RIOK1: variants seen among roughly 807,000 people sequenced by gnomAD.
RIOK1 encodes serine/threonine-protein kinase RIO1.
RIOK1 carries 66 observed loss-of-function variants against 73.5 expected under a neutral mutation model. The ratio of observed to expected loss-of-function variants is 0.90; its 90% CI spans 0.74 to 1.10. The LOEUF is 1.10. Ranked by LOEUF, RIOK1 falls within the 50% of genes least tolerant of loss-of-function variation. The probability of loss-of-function intolerance (pLI) is 0.00; values close to 1 mark genes in which losing one functional copy is unlikely to be tolerated. For synonymous variants in RIOK1, 224 were observed against 226.8 expected (o/e 0.99, Z 0.11); for missense variants, 658 against 699.8 (o/e 0.94, Z 0.67).
At chr6:7,414,692 C>T (rs2113532336) in intron 16 of RIOK1, among the ~76,000 whole-genome samples, 1 of 152,252 alleles carries the variant, frequency 6.6e-6, no homozygotes, top group Non-Finnish European at 1.5e-5. Flanking sequence ...AGAGCCATTT[C>T]AGGGGGATTT....
intron 15 of RIOK1, 142 bp downstream of exon 15, chr6:7,413,084 CAA>C (rs1034256953): frequency 4.3e-6 from 2 of 465,388 alleles, no homozygotes; most frequent in Admixed American, 4.3e-5. Flanking sequence ...TAATTGCTTT[CAA>C]AGTCTGTGGA....
At position 7,405,349 on chromosome 6, in the gene RIOK1, C is replaced by G. The variant is rs1252167761; in HGVS notation, c.1197C>G (p.Leu399=). 6.3e-7 allele frequency: 1 copy of G among 1,584,892 alleles called. No homozygotes were observed. Among genetic ancestry groups the G allele is most frequent in the Non-Finnish European group, 8.7e-7 (1 of 1,153,942 alleles). Residue 399 remains leucine (L), a synonymous_variant, in exon 12 of 17, where the codon CTC becomes CTG. Coordinates refer to ENST00000379834, the MANE Select transcript of RIOK1 (RefSeq NM_031480.3). ...SITHENMDAY[L]SKAMEIASQR... ...CACATGAGAACATGGATGCTTATCTCTCAAAGGTAAGATGGGGAGAGGAAG... is the reference window on the plus strand; with the variant it reads ...CACATGAGAACATGGATGCTTATCTGTCAAAGGTAAGATGGGGAGAGGAAG...
intron 14 of RIOK1, 23 bp from the exon 15 acceptor site, chr6:7,412,866 T>C: frequency 7.3e-7 from 1 of 1,375,908 alleles, no homozygotes; most frequent in Non-Finnish European, 1.0e-6. Context: ...TCCTTATTTT[T>C]TTTTTTTCAT....
At position 7,392,243 on chromosome 6, in the gene RIOK1, CA is replaced by C. The variant is rs35570327; in HGVS notation, c.72-837del. 5.0e-3 allele frequency among the ~76,000 whole-genome samples: 555 copies of C among 110,728 alleles called. 4 individuals carry two copies. Among genetic ancestry groups the C allele is most frequent in the Middle Eastern group, 0.016 (3 of 192 alleles). The allele number at this position is 110,728 out of a possible 152,430, so 72.6% of individuals were successfully genotyped here. On this transcript the variant is annotated intron_variant, in intron 1 of 16. Coordinates refer to ENST00000379834, the MANE Select transcript of RIOK1 (RefSeq NM_031480.3). ...ACACTAGGCCTGAATTCTAATATGG[CA>C]AAAAAAAAAAAAAAAAAAGCCCTTA...
At chr6:7,413,530 T>C (rs972627714) in intron 15 of RIOK1, among the ~76,000 whole-genome samples, 1 of 152,254 alleles carries the variant, frequency 6.6e-6, no homozygotes, top group Non-Finnish European at 1.5e-5. Flanking sequence ...CACAGTTTGC[T>C]TTCTTAAAAT....
At chr6:7,411,866 C>A (rs1345978984) in intron 14 of RIOK1, among the ~76,000 whole-genome samples, 1 of 151,976 alleles carries the variant, frequency 6.6e-6, no homozygotes, top group African/African-American at 2.4e-5. Flanking sequence ...CCTTATGTAA[C>A]AAGAGAGAAA....
At chr6:7,393,029 A>G (rs1185673645) in intron 1 of RIOK1, 70 bp from the exon 2 acceptor site, 7 of 1,420,750 alleles carry the variant, frequency 4.9e-6, no homozygotes, top group Non-Finnish European at 6.8e-6. Context: ...ATCTTACATC[A>G]TAAATATGTG....
At chr6:7,405,226 A>G (rs1315771721) in intron 11 of RIOK1, 23 bp from the exon 12 acceptor site, 1 of 1,473,144 alleles carries the variant, frequency 6.8e-7, no homozygotes, top group Non-Finnish European at 9.5e-7. Context: ...AAAAGCTGTC[A>G]TTAACGTTTT....
chr6:7,409,795 CAAAAAAA>C (rs34196824), intron 12 of RIOK1, among the ~76,000 whole-genome samples: 3 of 103,154 alleles, frequency 2.9e-5, no homozygotes, highest in African/African-American at 1.2e-4. Flanking sequence ...TGTCTAAACT[CAAAAAAA>C]AAAAAAAAAA....
intron 2 of RIOK1, among the ~76,000 whole-genome samples, chr6:7,394,529 A>G (rs1761423816): frequency 6.6e-6 from 1 of 152,212 alleles, no homozygotes. Flanking sequence ...TTGCATTTTT[A>G]TATCGTCTTG....
At chr6:7,402,401 G>A (rs1445142386) in intron 6 of RIOK1, among the ~76,000 whole-genome samples, 5 of 152,212 alleles carry the variant, frequency 3.3e-5, no homozygotes, top group African/African-American at 9.6e-5. Context: ...TATGTGGCAC[G>A]TGACTGTATT....
rs79472616 is a variant in RIOK1 at position 7,410,293 on chromosome 6, A to G, written c.1204-93A>G. 493 of 856,906 alleles carry G rather than the reference A, an allele frequency of 5.8e-4. 6 individuals are homozygous for G. In the East Asian group the frequency reaches 0.011, roughly 19 times the overall value. The allele number at this position is 856,906 out of a possible 1,614,324, so 53.1% of individuals were successfully genotyped here. ...CTAAGTGTGAGGAGGTGATACTTAA[A>G]AAGACTGGAACAATTTTATACCAAA... On this transcript the variant is annotated intron_variant, in intron 12 of 16. Coordinates refer to ENST00000379834, the MANE Select transcript of RIOK1 (RefSeq NM_031480.3).
chr6:7,389,864 A>G lies in RIOK1; in HGVS notation c.-139A>G. The G allele has an allele frequency of 1.6e-6, 1 of 633,508 alleles. No individual in the cohort carries two copies. Among genetic ancestry groups the G allele is most frequent in the Non-Finnish European group, 2.8e-6 (1 of 361,002 alleles). The allele number at this position is 633,508 out of a possible 1,614,324, so 39.2% of individuals were successfully genotyped here. A position where few individuals can be genotyped will look rare whatever the true frequency, so the allele number is the denominator to read the frequency against. On this transcript the variant is annotated 5_prime_UTR_variant, in exon 1 of 17. Transcript: ENST00000379834. ...TCTGTCGGTCCCGTTTTCCCGTCGCACGTGGTGGCCACTGTTGGCTTCTGA... is the reference window on the plus strand; with the variant it reads ...TCTGTCGGTCCCGTTTTCCCGTCGCGCGTGGTGGCCACTGTTGGCTTCTGA...
intron 5 of RIOK1, among the ~76,000 whole-genome samples, chr6:7,400,554 G>A (rs1024475216): frequency 2.0e-5 from 3 of 152,134 alleles, no homozygotes; most frequent in Admixed American, 6.5e-5. Flanking sequence ...AAATGATAGC[G>A]TTTTAGATAT....
intron 5 of RIOK1, among the ~76,000 whole-genome samples, chr6:7,400,426 G>C (rs910397208): frequency 2.0e-5 from 3 of 152,324 alleles, no homozygotes; most frequent in South Asian, 4.1e-4. Context: ...CTGGGCACTT[G>C]AGATGTGGCC....
At position 7,393,144 on chromosome 6, in the gene RIOK1, G is replaced by A. The variant is rs980252531; in HGVS notation, c.117G>A (p.Leu39=). The A allele has an allele frequency of 6.2e-7, 1 of 1,613,708 alleles. No individual in the cohort carries two copies. The highest frequency in any genetic ancestry group is 1.3e-5 in the African/African-American group (1 of 74,876). The stretch of plus-strand genomic sequence containing the variant: ...CAGTCAAAGAGAAGGATGACATTCT[G>A]TTTGAAGACCTTCAAGACAATGTGA... ...LKTVKEKDDI[L]FEDLQDNVNE... The change falls in exon 2 of 17, where the codon CTG becomes CTA. Residue 39 remains leucine (L), a synonymous_variant. Coordinates refer to ENST00000379834, the MANE Select transcript of RIOK1 (RefSeq NM_031480.3).
intron 9 of RIOK1, 21 bp from the exon 10 acceptor site, chr6:7,404,397 T>C (rs1022671186): frequency 1.2e-6 from 2 of 1,613,202 alleles, no homozygotes; most frequent in African/African-American, 2.7e-5. Flanking sequence ...GGTCATTTTA[T>C]CTTAGTTCTT....
intron 6 of RIOK1, among the ~76,000 whole-genome samples, chr6:7,401,960 T>C (rs1366317314): frequency 6.6e-6 from 1 of 152,190 alleles, no homozygotes; most frequent in African/African-American, 2.4e-5. Context: ...ATTACAGGCA[T>C]GAGCCTCCAC....
At chr6:7,416,042 A>G (rs964670261) in intron 16 of RIOK1, among the ~76,000 whole-genome samples, 2 of 152,214 alleles carry the variant, frequency 1.3e-5, no homozygotes, top group African/African-American at 4.8e-5. Flanking sequence ...CATATCCCCC[A>G]TGGATAAGAA....
Sources: gnomAD v4.1 joint callset for allele counts (sites outside exome capture counted in the v4.1 genomes callset) on GRCh38, gnomAD v4.1.1 for gene constraint, MANE v1.5 for transcripts, NCBI Gene and HGNC (gene_info 2026-07-23, HGNC 2026-07-21) for gene names.